The following EML6 variants were observed in gnomAD, a reference collection of about 807,000 sequenced individuals.
The protein encoded by EML6 is EMAP like 6.
A neutral mutation model predicts 240.1 loss-of-function variants in EML6; 154 were observed. The observed-to-expected ratio is 0.64, with a 90% CI of 0.56 to 0.73. The LOEUF (loss-of-function observed/expected upper bound fraction) is 0.73. Ranked by LOEUF, EML6 falls within the 30% of genes least tolerant of loss-of-function variation. EML6 has a pLI of 0.00. For synonymous variants in EML6, 1,148 were observed against 899.0 expected, an observed-to-expected ratio of 1.28 and a Z score of -4.95; for missense variants, 2,964 against 2,474.6, an observed-to-expected ratio of 1.20 and a Z score of -4.20.
intron 8 of EML6, among the ~76,000 whole-genome samples, chr2:54,845,897 G>C (rs1409517782): frequency 6.6e-6 from 1 of 152,156 alleles, no homozygotes; most frequent in Non-Finnish European, 1.5e-5. Context: ...CAGTCTCCCA[G>C]ACACTAGTTT....
chr2:54,860,304 A>G (rs1387510973), intron 12 of EML6, among the ~76,000 whole-genome samples: 1 of 152,110 alleles, frequency 6.6e-6, no homozygotes, highest in Non-Finnish European at 1.5e-5. Context: ...GAGTCTCTAG[A>G]CCATGGGAAA....
Position 54,892,589 on chromosome 2 carries a change from A to G in EML6, c.2675A>G (p.Asp892Gly), listed in dbSNP as rs748752840. ...AATGDIFIWK[D>G]ILLLKTVKAH... The stretch of plus-strand genomic sequence containing the variant: ...ACTGGAGATATTTTTATTTGGAAAG[A>G]CATTCTACTACTGAAGACAGTGAAA... The change falls in exon 19 of 42, where the codon GAC (aspartate) becomes GGC (glycine). Residue 892 changes from aspartate to glycine, a missense_variant. By Grantham distance (94) the Asp-to-Gly change is moderately conservative (BLOSUM62 -1). Coordinates refer to ENST00000356458, the MANE Select transcript of EML6 (RefSeq NM_001039753.4). 1.0e-4 allele frequency: 159 copies of G among 1,551,680 alleles called. No individual in the cohort carries two copies. Among genetic ancestry groups the G allele is most frequent in the Non-Finnish European group, 1.4e-4 (156 of 1,146,900 alleles).
At position 54,956,646 on chromosome 2, in the gene EML6, G is replaced by A. The variant is rs142277068; in HGVS notation, c.4487-1144G>A. On this transcript the variant is annotated intron_variant, in intron 32 of 41. Transcript: ENST00000356458. ...GTTCTCTGTGGGTCCCCCTAGCCTC[G>A]CCTGGAAAGAGATTCTGTTAGGGAG... Among the ~76,000 whole-genome samples the A allele has an allele frequency of 2.2e-4, 34 of 152,106 alleles. 1 individual carries two copies. The East Asian group carries it at 6.2e-3, about 28-fold the overall frequency.
intron 2 of EML6, among the ~76,000 whole-genome samples, chr2:54,738,856 TG>T (rs1366914060): frequency 6.6e-6 from 1 of 152,240 alleles, no homozygotes; most frequent in Non-Finnish European, 1.5e-5. Flanking sequence ...CTAGCACAAG[TG>T]AACATATATG....
In EML6 at chr2:54,938,698, G is replaced by A. The variant is rs114575994; in HGVS notation, c.4004+9947G>A. ...ACCCTGCCTCAGGCCCAGGCTTCAC[G>A]CTGTCTGAGGTTCTCTTCAGCACAA... On this transcript the variant is annotated intron_variant, in intron 28 of 41. Transcript: ENST00000356458. 3.1e-3 allele frequency among the ~76,000 whole-genome samples: 476 copies of A among 152,292 alleles called. 1 individual carries two copies. The highest frequency in any genetic ancestry group is 0.011 in the African/African-American group (449 of 41,562).
At chr2:54,824,482 A>T (rs1014865491) in intron 5 of EML6, among the ~76,000 whole-genome samples, 2 of 152,164 alleles carry the variant, frequency 1.3e-5, no homozygotes, top group Admixed American at 1.3e-4. Flanking sequence ...TTTTCCCCAG[A>T]AAACCTACCT....
chr2:54,940,587 A>C (rs977903536), intron 28 of EML6, among the ~76,000 whole-genome samples: 2 of 152,234 alleles, frequency 1.3e-5, no homozygotes, highest in Non-Finnish European at 2.9e-5. Context: ...AATACTTTTC[A>C]AATGAATAGA....
At position 54,863,764 on chromosome 2, in the gene EML6, G is replaced by A. The variant is rs1015538008; in HGVS notation, c.1826-19G>A. 33 of 1,389,470 alleles carry A rather than the reference G, an allele frequency of 2.4e-5. No individual in the cohort carries two copies. The highest frequency in any genetic ancestry group is 3.2e-5 in the Non-Finnish European group (32 of 1,006,872). 86.1% of individuals were successfully genotyped at this position (1,389,470 alleles called of 1,614,324 possible). On this transcript the variant is annotated intron_variant, in intron 12 of 41. Transcript: ENST00000356458. Reference sequence around the variant, plus strand: ...GTCTCAGAATTTTTGCTTGTTTCTTGTGGGTTGTATCTCTGCAGAAGGTGG... The same window carrying A: ...GTCTCAGAATTTTTGCTTGTTTCTTATGGGTTGTATCTCTGCAGAAGGTGG...
chr2:54,744,905 TAC>T (rs56324677), intron 2 of EML6, among the ~76,000 whole-genome samples: 2,719 of 107,198 alleles, frequency 0.025, 72 homozygotes, highest in Middle Eastern at 0.038. Context: ...CACACACACG[TAC>T]ACACACACAC....
intron 2 of EML6, among the ~76,000 whole-genome samples, chr2:54,804,736 A>G (rs1171661165): frequency 1.3e-5 from 2 of 152,236 alleles, no homozygotes; most frequent in Non-Finnish European, 2.9e-5. Flanking sequence ...AGTCTTTCCT[A>G]TCTGCAATCT....
chr2:54,890,715 C>G (rs919781819), intron 17 of EML6, among the ~76,000 whole-genome samples: 2 of 152,162 alleles, frequency 1.3e-5, no homozygotes, highest in Non-Finnish European at 2.9e-5. Context: ...CTATCTCTTT[C>G]CTTCTGCACA....
At chr2:54,837,456 A>C (rs1669213334) in intron 7 of EML6, among the ~76,000 whole-genome samples, 1 of 152,034 alleles carries the variant, frequency 6.6e-6, no homozygotes, top group African/African-American at 2.4e-5. Context: ...CTAAGCACTC[A>C]CGGGCACTCA....
intron 2 of EML6, among the ~76,000 whole-genome samples, chr2:54,768,522 A>G (rs1329427242): frequency 6.6e-6 from 1 of 152,200 alleles, no homozygotes; most frequent in Non-Finnish European, 1.5e-5. Context: ...CATTCAATGG[A>G]TTATATTTAA....
chr2:54,923,940 A>G (rs998389185), intron 26 of EML6, among the ~76,000 whole-genome samples: 6 of 152,166 alleles, frequency 3.9e-5, no homozygotes, highest in African/African-American at 1.4e-4. Flanking sequence ...AGATTTATCC[A>G]TGTTGTTGCA....
chr2:54,851,918 A>G (rs1018665503), intron 10 of EML6, among the ~76,000 whole-genome samples: 4 of 152,242 alleles, frequency 2.6e-5, no homozygotes, highest in African/African-American at 7.2e-5. Context: ...ACAGATATCC[A>G]GGGATAGTCG....
chr2:54,853,520 A>C (rs565152617), intron 10 of EML6, 123 bp from the exon 11 acceptor site: 1 of 674,244 alleles, frequency 1.5e-6, no homozygotes, highest in Admixed American at 3.5e-5. Flanking sequence ...AAATGGGATA[A>C]AGAGATTAAA....
chr2:54,819,773 G>GGA (rs1553386414), intron 4 of EML6, among the ~76,000 whole-genome samples: 3 of 123,138 alleles, frequency 2.4e-5, no homozygotes, highest in Admixed American at 8.8e-5. Flanking sequence ...GACTGTCTCA[G>GGA]AAAAAAAAAA....
At chr2:54,754,445 C>T (rs965080120) in intron 2 of EML6, among the ~76,000 whole-genome samples, 17 of 152,140 alleles carry the variant, frequency 1.1e-4, no homozygotes, top group African/African-American at 4.1e-4. Context: ...AGTACAAGCA[C>T]CTTTTCATGT....
intron 11 of EML6, among the ~76,000 whole-genome samples, chr2:54,858,845 A>G (rs1670525315): frequency 6.6e-6 from 1 of 152,240 alleles, no homozygotes; most frequent in Non-Finnish European, 1.5e-5. Flanking sequence ...TGTGAGAAAT[A>G]GAAATGTTTT....
Sources: gnomAD v4.1 joint callset for allele counts (sites outside exome capture counted in the v4.1 genomes callset) on GRCh38, gnomAD v4.1.1 for gene constraint, MANE v1.5 for transcripts, NCBI Gene and HGNC (gene_info 2026-07-23, HGNC 2026-07-21) for gene names.